The following DPPA2 variants were observed in gnomAD, a reference collection of about 807,000 sequenced individuals.
DPPA2 encodes the protein developmental pluripotency-associated protein 2.
Under a neutral mutation model 36.2 loss-of-function variants are expected in DPPA2, and 26 were observed. That is an observed-to-expected ratio of 0.72 (90% confidence interval 0.53 to 1.00). The LOEUF (loss-of-function observed/expected upper bound fraction) is 1.00. Among genes scored for constraint, DPPA2 ranks in the 50% least tolerant of loss-of-function variants. The pLI is 0.00. For synonymous variants in DPPA2, 113 were observed against 123.2 expected (o/e 0.92, Z 0.55); for missense variants, 361 against 365.1 (o/e 0.99, Z 0.09).
chr3:109,314,665 G>A, intron 1 of DPPA2, 110 bp from the exon 2 acceptor site: 3 of 1,033,538 alleles, frequency 2.9e-6, no homozygotes, highest in Non-Finnish European at 2.7e-6. Context: ...ACCCAGATGA[G>A]CTCTTGTTTT....
At chr3:109,297,568 A>G (rs768484752) in intron 8 of DPPA2, among the ~76,000 whole-genome samples, 13 of 151,998 alleles carry the variant, frequency 8.6e-5, no homozygotes, top group Non-Finnish European at 1.3e-4. Flanking sequence ...TGGCACGCCT[A>G]TTAGAATGGC....
In DPPA2 at chr3:109,304,565, C is replaced by T. The variant is rs1707515033; in HGVS notation, c.764G>A (p.Arg255Lys). 1 of 1,614,018 alleles carries T rather than the reference C, an allele frequency of 6.2e-7. No individual in the cohort carries two copies. The highest frequency in any genetic ancestry group is 8.5e-7 in the Non-Finnish European group (1 of 1,180,046). ...AGQAWVPTTHRRMISLFLLPA... is the reference protein window; with the variant it reads ...AGQAWVPTTHKRMISLFLLPA... ...TAACAAGAAGAGAGAAATCATCCTC[C>T]TGTGAGTGGTAGGCACCCAGGCCTG... Residue 255 changes from arginine to lysine, a missense_variant, in exon 7 of 9, where the codon AGG becomes AAG. Transcript: ENST00000478945.
chr3:109,310,712 G>A (rs376163804), intron 3 of DPPA2, among the ~76,000 whole-genome samples: 2 of 150,790 alleles, frequency 1.3e-5, no homozygotes, highest in Non-Finnish European at 2.9e-5. Context: ...CACTATGTTG[G>A]CCAGGCTGGT....
At position 109,311,751 on chromosome 3, in the gene DPPA2, T is replaced by A. The variant is rs558534253; in HGVS notation, c.181+794A>T. Among the ~76,000 whole-genome samples, 945 of 141,548 alleles carry A rather than the reference T, an allele frequency of 6.7e-3. 16 individuals carry two copies. The highest frequency in any genetic ancestry group is 0.023 in the African/African-American group (883 of 38,682). 92.9% of individuals were successfully genotyped at this position (141,548 alleles called of 152,430 possible). ...ACAAAACTCCGTCTCCAGAAAAATT[T>A]AAAAAAAAAAAGAAAAAAAACACTT... On this transcript the variant is annotated intron_variant, in intron 3 of 8. Coordinates refer to ENST00000478945, the MANE Select transcript of DPPA2 (RefSeq NM_138815.4).
At chr3:109,300,255 T>C (rs1364855779) in intron 8 of DPPA2, 116 bp downstream of exon 8, 2 of 794,146 alleles carry the variant, frequency 2.5e-6, no homozygotes, top group African/African-American at 1.7e-5. Context: ...TACATTTATG[T>C]CCTGTTTTTT....
chr3:109,300,789 T>G (rs1707443711), intron 7 of DPPA2, among the ~76,000 whole-genome samples: 1 of 136,616 alleles, frequency 7.3e-6, no homozygotes, highest in Non-Finnish European at 1.5e-5. Context: ...GCCACTGAAC[T>G]TCAGCCTAGG....
At chr3:109,303,392 C>T (rs369709362) in intron 7 of DPPA2, among the ~76,000 whole-genome samples, 24 of 144,422 alleles carry the variant, frequency 1.7e-4, no homozygotes, top group African/African-American at 5.6e-4. Context: ...TTTTTTGAGA[C>T]GGAGTTTCAC....
intron 8 of DPPA2, among the ~76,000 whole-genome samples, chr3:109,294,944 C>T (rs1027075849): frequency 1.3e-5 from 2 of 152,002 alleles, no homozygotes; most frequent in African/African-American, 4.8e-5. Context: ...TCGCTTAAAG[C>T]CAGGAGGTGG....
intron 7 of DPPA2, among the ~76,000 whole-genome samples, chr3:109,302,754 C>T (rs901604214): frequency 6.4e-5 from 6 of 94,046 alleles, no homozygotes; most frequent in Non-Finnish European, 1.3e-4. Context: ...AGCCCACTTA[C>T]AAAAAAAAAA....
intron 5 of DPPA2, among the ~76,000 whole-genome samples, chr3:109,308,541 T>C (rs1018908330): frequency 1.3e-5 from 2 of 152,152 alleles, no homozygotes. Flanking sequence ...TTTGCATTTT[T>C]AGTAAAGACG....
intron 6 of DPPA2, 74 bp from the exon 7 acceptor site, chr3:109,304,744 T>A: frequency 6.9e-7 from 1 of 1,443,640 alleles, no homozygotes; most frequent in South Asian, 1.4e-5. Context: ...CAAGTCACTC[T>A]TGAATTTGCT....
At chr3:109,301,455 C>A (rs1301634613) in intron 7 of DPPA2, among the ~76,000 whole-genome samples, 1 of 151,968 alleles carries the variant, frequency 6.6e-6, no homozygotes, top group Non-Finnish European at 1.5e-5. Flanking sequence ...CGTTCCAGAC[C>A]AGCCTGGCCA....
chr3:109,298,641 G>A (rs565275401), intron 8 of DPPA2, among the ~76,000 whole-genome samples: 4 of 151,504 alleles, frequency 2.6e-5, no homozygotes, highest in African/African-American at 9.7e-5. Flanking sequence ...GCTTGAACCT[G>A]GGAGGCGGAG....
intron 5 of DPPA2, among the ~76,000 whole-genome samples, chr3:109,308,606 C>T (rs1576822323): frequency 1.3e-5 from 2 of 152,310 alleles, no homozygotes; most frequent in Non-Finnish European, 1.5e-5. Flanking sequence ...AGGTAATCCA[C>T]CCGCCTCGGC....
At chr3:109,306,865 C>T (rs1391094659) in intron 6 of DPPA2, among the ~76,000 whole-genome samples, 6 of 151,150 alleles carry the variant, frequency 4.0e-5, no homozygotes, top group Non-Finnish European at 7.4e-5. Context: ...CCCAGCTACT[C>T]GGGAGGCTGA....
intron 7 of DPPA2, among the ~76,000 whole-genome samples, chr3:109,301,205 CT>C (rs1707451480): frequency 6.6e-6 from 1 of 151,896 alleles, no homozygotes. Context: ...TCTCAAACTC[CT>C]AAGCTCAAGT....
chr3:109,307,077 T>A (rs1199321560), intron 6 of DPPA2, among the ~76,000 whole-genome samples: 1 of 151,508 alleles, frequency 6.6e-6, no homozygotes, highest in Non-Finnish European at 1.5e-5. Flanking sequence ...CAAGCCACTC[T>A]CCCACCCCAG....
Position 109,300,402 on chromosome 3 carries a change from T to C in DPPA2, c.888A>G (p.Val296=). 1 of 1,613,972 alleles carries C rather than the reference T, an allele frequency of 6.2e-7. No individual in the cohort carries two copies. Among genetic ancestry groups the C allele is most frequent in the African/African-American group, 1.3e-5 (1 of 75,064 alleles). ...NKKMMKRLMT[V]EK ...TTCAAACAGGTTGCTGCTACTTCTC[T>C]ACTGTCATTAATCTTTTCATCATCT... The change falls in exon 8 of 9, where the codon GTA becomes GTG. Residue 296 remains valine, a synonymous_variant. Transcript: ENST00000478945.
At chr3:109,295,593 T>A (rs1242510814) in intron 8 of DPPA2, 1 of 148,544 alleles carries the variant, frequency 6.7e-6, no homozygotes, top group Non-Finnish European at 1.5e-5. Context: ...AATATATACT[T>A]ATACGTATAT....
Sources: allele counts gnomAD v4.1 joint callset (sites outside exome capture counted in the v4.1 genomes callset), GRCh38; gene constraint gnomAD v4.1.1; transcripts MANE v1.5; gene names NCBI Gene and HGNC (gene_info 2026-07-23, HGNC 2026-07-21).